The following RANBP9 variants were observed in gnomAD, a reference collection of about 807,000 sequenced individuals.
RANBP9 encodes the protein RAN binding protein 9.
In RANBP9, 15 loss-of-function variants were observed where a neutral mutation model predicts 84.3. The observed-to-expected ratio is 0.18, with a 90% confidence interval of 0.12 to 0.27. RANBP9 has a LOEUF of 0.27. RANBP9 is among the 10% of genes least tolerant of loss of function. The pLI is 1.00. For synonymous variants in RANBP9, 392 were observed against 349.6 expected (o/e 1.12, Z -1.35); for missense variants, 809 against 912.8 (o/e 0.89, Z 1.46).
At chr6:13,703,153 C>T (rs1029855874) in intron 1 of RANBP9, among the ~76,000 whole-genome samples, 1 of 152,158 alleles carries the variant, frequency 6.6e-6, no homozygotes, top group African/African-American at 2.4e-5. Flanking sequence ...TTTGGGATTA[C>T]AGGTGTGAGC....
intron 1 of RANBP9, among the ~76,000 whole-genome samples, chr6:13,701,512 C>T (rs1476958641): frequency 1.3e-5 from 2 of 152,196 alleles, no homozygotes; most frequent in Non-Finnish European, 1.5e-5. Context: ...GTGGCTCACA[C>T]CTGTAATCCC....
chr6:13,633,845 G>A (rs1764860192), intron 11 of RANBP9, among the ~76,000 whole-genome samples: 1 of 152,122 alleles, frequency 6.6e-6, no homozygotes, highest in Non-Finnish European at 1.5e-5. Context: ...TGATGGGATA[G>A]TTTGCTGATG....
intron 4 of RANBP9, among the ~76,000 whole-genome samples, chr6:13,656,079 T>C (rs1765391797): frequency 1.3e-5 from 2 of 152,162 alleles, no homozygotes; most frequent in African/African-American, 2.4e-5. Context: ...AAGTTAACTT[T>C]ATTGAAACAC....
At chr6:13,630,553 C>A (rs1011590180) in intron 12 of RANBP9, among the ~76,000 whole-genome samples, 8 of 151,698 alleles carry the variant, frequency 5.3e-5, no homozygotes, top group Non-Finnish European at 8.8e-5. Flanking sequence ...TCCAAATATG[C>A]CCTAAAACAA....
chr6:13,711,533 C>T lies in RANBP9; in HGVS notation c.-28G>A. On this transcript the variant is annotated 5_prime_UTR_variant, in exon 1 of 14. Coordinates refer to ENST00000011619, the MANE Select transcript of RANBP9 (RefSeq NM_005493.3). ...CGGCCGCGACTCAGCCTGCGGCCACCTCCACCTCTTCTCTCCTTCCTCCTC... is the reference window on the plus strand; with the variant it reads ...CGGCCGCGACTCAGCCTGCGGCCACTTCCACCTCTTCTCTCCTTCCTCCTC... 1 of 1,243,676 alleles carries T rather than the reference C, an allele frequency of 8.0e-7. No individual in the cohort carries two copies. Among genetic ancestry groups the T allele is most frequent in the East Asian group, 3.1e-5 (1 of 31,830 alleles). 77.0% of individuals were successfully genotyped at this position (1,243,676 alleles called of 1,614,324 possible).
chr6:13,664,389 C>A (rs1425429695), intron 2 of RANBP9, among the ~76,000 whole-genome samples: 2 of 152,014 alleles, frequency 1.3e-5, no homozygotes, highest in African/African-American at 4.8e-5. Context: ...ACGAATTGGG[C>A]ACCTCAACTG....
At chr6:13,635,252 C>T (rs993290173) in intron 10 of RANBP9, among the ~76,000 whole-genome samples, 3 of 152,166 alleles carry the variant, frequency 2.0e-5, no homozygotes, top group African/African-American at 7.2e-5. Context: ...CCAGTTTTCA[C>T]TCATTCCACT....
chr6:13,668,937 A>G (rs1328156770), intron 2 of RANBP9, among the ~76,000 whole-genome samples: 2 of 152,192 alleles, frequency 1.3e-5, no homozygotes, highest in Non-Finnish European at 2.9e-5. Context: ...AAAGCAAGAA[A>G]TAAGCATCCT....
At chr6:13,708,846 C>CACAG (rs1300572309) in intron 1 of RANBP9, among the ~76,000 whole-genome samples, 1 of 151,734 alleles carries the variant, frequency 6.6e-6, no homozygotes, top group South Asian at 2.1e-4. Flanking sequence ...CACACACACA[C>CACAG]AGTCTACAGT....
chr6:13,653,634 A>G (rs571241443), intron 4 of RANBP9, among the ~76,000 whole-genome samples: 42 of 152,234 alleles, frequency 2.8e-4, no homozygotes, highest in Middle Eastern at 6.8e-3. Context: ...CCTACTTGAC[A>G]TTTTATTCCT....
chr6:13,645,872 A>C (rs564174611), intron 5 of RANBP9, among the ~76,000 whole-genome samples: 1 of 152,342 alleles, frequency 6.6e-6, no homozygotes, highest in East Asian at 1.9e-4. Flanking sequence ...TAAAATGCAA[A>C]GAGGGTGTGT....
intron 2 of RANBP9, among the ~76,000 whole-genome samples, chr6:13,684,836 T>C (rs1284333690): frequency 1.3e-5 from 2 of 152,200 alleles, no homozygotes; most frequent in East Asian, 3.8e-4. Flanking sequence ...CCTCATCTTG[T>C]TTGGAGGTGA....
chr6:13,682,155 C>G lies in RANBP9; in HGVS notation c.683+14630G>C, dbSNP rs1237730817. Among the ~76,000 whole-genome samples the G allele has an allele frequency of 1.2e-3, 187 of 152,190 alleles. 2 individuals are homozygous for G. The highest frequency in any genetic ancestry group is 4.4e-3 in the African/African-American group (181 of 41,524). On this transcript the variant is annotated intron_variant, in intron 2 of 13. Coordinates refer to ENST00000011619, the MANE Select transcript of RANBP9 (RefSeq NM_005493.3). The stretch of plus-strand genomic sequence containing the variant: ...GGGATTACAGGCGTGAGCCACCGCA[C>G]CTGGGCCAAGTGCCTTCTTCAACAG...
At chr6:13,696,485 C>A (rs561051590) in intron 2 of RANBP9, among the ~76,000 whole-genome samples, 9 of 152,140 alleles carry the variant, frequency 5.9e-5, no homozygotes, top group Non-Finnish European at 1.5e-5. Flanking sequence ...GCAGAATTCA[C>A]GAAAAAGCAG....
chr6:13,643,788 G>C (rs924911580), intron 6 of RANBP9, among the ~76,000 whole-genome samples: 1 of 152,042 alleles, frequency 6.6e-6, no homozygotes, highest in Non-Finnish European at 1.5e-5. Flanking sequence ...TTCTCAACTG[G>C]GCTGGACAAA....
intron 2 of RANBP9, among the ~76,000 whole-genome samples, chr6:13,685,172 C>A (rs909551583): frequency 1.3e-5 from 2 of 151,990 alleles, no homozygotes; most frequent in Non-Finnish European, 2.9e-5. Context: ...ATCTTTCCTA[C>A]GGAAATAAAG....
chr6:13,628,794 T>G (rs1764694467), intron 12 of RANBP9, among the ~76,000 whole-genome samples: 1 of 152,232 alleles, frequency 6.6e-6, no homozygotes, highest in Non-Finnish European at 1.5e-5. Flanking sequence ...TAAGCAATTT[T>G]AAGATACTAA....
intron 2 of RANBP9, among the ~76,000 whole-genome samples, chr6:13,680,303 G>C (rs78437814): frequency 0.013 from 2,002 of 151,974 alleles, 48 homozygotes; most frequent in African/African-American, 0.046. Flanking sequence ...CTACTCTTAA[G>C]ACCATACCAA....
At position 13,651,825 on chromosome 6, in the gene RANBP9, T is replaced by A. The variant is rs560367897; in HGVS notation, c.927+834A>T. On this transcript the variant is annotated intron_variant, in intron 5 of 13. Transcript: ENST00000011619. ...AAATTTCCAAGCCCTCCCAATGGCT[T>A]GCCCAGGTCTAGATGATCTATTAAT... is the stretch of plus-strand genomic sequence containing the variant. Among the ~76,000 whole-genome samples the A allele has an allele frequency of 2.0e-5, 3 of 152,296 alleles. No homozygotes were observed. The East Asian group carries it at 5.8e-4, about 29-fold the overall frequency.
Sources: gnomAD v4.1 joint callset for allele counts (sites outside exome capture counted in the v4.1 genomes callset) on GRCh38, gnomAD v4.1.1 for gene constraint, MANE v1.5 for transcripts, NCBI Gene and HGNC (gene_info 2026-07-23, HGNC 2026-07-21) for gene names.